DENND4A: variants seen among roughly 807,000 people sequenced by gnomAD.
DENND4A encodes C-myc promoter-binding protein.
Under a neutral mutation model 199.3 loss-of-function variants are expected in DENND4A, and 70 were observed. The ratio of observed to expected loss-of-function variants is 0.35; its 90% CI spans 0.29 to 0.43. DENND4A has a LOEUF of 0.43. Among genes scored for constraint, DENND4A ranks in the 20% least tolerant of loss-of-function variants. DENND4A has a pLI of 1.00. For synonymous variants in DENND4A, 686 were observed against 766.9 expected (o/e 0.89, Z 1.74); for missense variants, 1,723 against 2,255.8 (o/e 0.76, Z 4.78).
At chr15:65,742,772 G>A (rs2140490307) in intron 4 of DENND4A, among the ~76,000 whole-genome samples, 1 of 152,246 alleles carries the variant, frequency 6.6e-6, no homozygotes, top group East Asian at 1.9e-4. Flanking sequence ...ATCATTACAT[G>A]CTATATTTGT....
intron 14 of DENND4A, among the ~76,000 whole-genome samples, chr15:65,707,966 A>T (rs528491721): frequency 6.6e-6 from 1 of 152,240 alleles, no homozygotes; most frequent in South Asian, 2.1e-4. Flanking sequence ...GATTACAGGC[A>T]TGAGCCACAG....
intron 20 of DENND4A, among the ~76,000 whole-genome samples, chr15:65,698,008 T>C (rs2077209236): frequency 1.3e-5 from 2 of 152,074 alleles, no homozygotes; most frequent in Non-Finnish European, 2.9e-5. Flanking sequence ...TCCCAGCATT[T>C]TGGAAGGCTG....
At chr15:65,675,565 A>T (rs1231207801) in intron 24 of DENND4A, among the ~76,000 whole-genome samples, 2 of 146,114 alleles carry the variant, frequency 1.4e-5, no homozygotes, top group African/African-American at 5.0e-5. Context: ...TAAAAACATT[A>T]AAAAAAAAAA....
chr15:65,717,220 C>T (rs545560392), intron 13 of DENND4A, among the ~76,000 whole-genome samples: 24 of 152,034 alleles, frequency 1.6e-4, no homozygotes, highest in Admixed American at 1.2e-3. Flanking sequence ...CGGAGGTACT[C>T]AATATATACT....
intron 1 of DENND4A, among the ~76,000 whole-genome samples, 177 bp from the exon 2 acceptor site, chr15:65,761,615 GAATA>G (rs1182964603): frequency 5.4e-5 from 8 of 149,326 alleles, no homozygotes; most frequent in African/African-American, 2.0e-4. Flanking sequence ...TTTCAGTAAA[GAATA>G]AATACATACT....
At chr15:65,771,833 T>C in intron 1 of DENND4A, 1 of 1,613,112 alleles carries the variant, frequency 6.2e-7, no homozygotes. Flanking sequence ...TTTTCTGGAT[T>C]ACTTAAAACA....
At chr15:65,721,307 TG>T (rs1567044385) in intron 12 of DENND4A, among the ~76,000 whole-genome samples, 2 of 152,106 alleles carry the variant, frequency 1.3e-5, no homozygotes, top group African/African-American at 2.4e-5. Flanking sequence ...TGAGCTACTT[TG>T]GAATCATCTA....
intron 11 of DENND4A, among the ~76,000 whole-genome samples, chr15:65,723,839 T>C (rs919500731): frequency 6.6e-6 from 1 of 152,184 alleles, no homozygotes; most frequent in Non-Finnish European, 1.5e-5. Context: ...TTTCAGACTA[T>C]AGTTGGCCAC....
intron 20 of DENND4A, among the ~76,000 whole-genome samples, chr15:65,700,295 G>C (rs1567020420): frequency 6.6e-6 from 1 of 151,734 alleles, no homozygotes; most frequent in Admixed American, 6.6e-5. Context: ...GAGTTAACTG[G>C]ATTATCATAT....
chr15:65,717,739 T>C (rs1237180022), intron 13 of DENND4A, 39 bp downstream of exon 13: 1 of 1,494,412 alleles, frequency 6.7e-7, no homozygotes, highest in South Asian at 1.3e-5. Flanking sequence ...AAAGTTAAGC[T>C]CAATAACCTG....
rs61753848 is a variant in DENND4A, at chr15:65,696,371, C to T, written c.3077G>A (p.Ser1026Asn). The part of the protein sequence containing the change: ...NNSAGKISGE[S>N]MESTPELLLI... Reference sequence around the variant, plus strand: ...AAGCGTACTATTCAACTTACCCATGCTTTCTCCTGATATTTTACCAGCACT... The same window carrying T: ...AAGCGTACTATTCAACTTACCCATGTTTTCTCCTGATATTTTACCAGCACT... Residue 1026 changes from serine (S) to asparagine (N), a missense_variant, in exon 22 of 33, where the codon AGC becomes AAC. By Grantham distance (46) the Ser-to-Asn change is conservative. Around this residue, in one of 6 missense-constraint regions of DENND4A, gnomAD observed 650 missense variants for 738.1 expected, o/e 0.88. Coordinates refer to ENST00000443035, the MANE Select transcript of DENND4A (RefSeq NM_001320835.1). 3,578 of 1,611,690 alleles carry T rather than the reference C, an allele frequency of 2.2e-3. 7 individuals carry two copies. Among genetic ancestry groups the T allele is most frequent in the Non-Finnish European group, 2.8e-3 (3,273 of 1,178,420 alleles).
intron 2 of DENND4A, among the ~76,000 whole-genome samples, chr15:65,756,680 C>A (rs1644817045): frequency 6.6e-6 from 1 of 152,124 alleles, no homozygotes; most frequent in Admixed American, 6.5e-5. Flanking sequence ...TGGATGAATT[C>A]CCAATTTTGG....
At chr15:65,758,713 T>C (rs1376017604) in intron 2 of DENND4A, among the ~76,000 whole-genome samples, 1 of 152,220 alleles carries the variant, frequency 6.6e-6, no homozygotes, top group African/African-American at 2.4e-5. Flanking sequence ...TTCCCAGAGT[T>C]TGTTTCATGT....
intron 14 of DENND4A, among the ~76,000 whole-genome samples, chr15:65,711,331 G>A (rs1343254411): frequency 1.3e-5 from 2 of 151,986 alleles, no homozygotes; most frequent in African/African-American, 4.8e-5. Flanking sequence ...AGGAAACCCT[G>A]TCTCAACAAA....
intron 11 of DENND4A, 153 bp downstream of exon 11, chr15:65,728,919 A>G: frequency 1.3e-6 from 1 of 763,688 alleles, no homozygotes; most frequent in East Asian, 2.7e-5. Flanking sequence ...TTGACGCATA[A>G]TAAGGTCTGA....
chr15:65,661,608 A>G lies in DENND4A; in HGVS notation c.*243T>C, dbSNP rs950413149. 9.7e-6 allele frequency: 3 copies of G among 309,960 alleles called. No individual in the cohort carries two copies. Among genetic ancestry groups the G allele is most frequent in the Non-Finnish European group, 1.8e-5 (3 of 170,170 alleles). 19.2% of individuals were successfully genotyped at this position (309,960 alleles called of 1,614,324 possible). On this transcript the variant is annotated 3_prime_UTR_variant, in exon 33 of 33. Coordinates refer to ENST00000443035, the MANE Select transcript of DENND4A (RefSeq NM_001320835.1). ...TTAGGGATTTCCTCATCACAAAAAT[A>G]CTTTATTTCCTATTACAGGGGAGTT...
intron 14 of DENND4A, among the ~76,000 whole-genome samples, chr15:65,712,300 C>A (rs2075274495): frequency 6.6e-6 from 1 of 152,148 alleles, no homozygotes; most frequent in Non-Finnish European, 1.5e-5. Flanking sequence ...AAAAATTGAA[C>A]ATTTCTGTTA....
At chr15:65,769,533 A>G (rs1393032267) in intron 1 of DENND4A, among the ~76,000 whole-genome samples, 1 of 152,214 alleles carries the variant, frequency 6.6e-6, no homozygotes, top group African/African-American at 2.4e-5. Flanking sequence ...AAATAAGCTC[A>G]TGGCTTGGGT....
intron 12 of DENND4A, among the ~76,000 whole-genome samples, chr15:65,719,584 T>C (rs2075541090): frequency 6.6e-6 from 1 of 152,122 alleles, no homozygotes; most frequent in South Asian, 2.1e-4. Flanking sequence ...TTCTGTGATA[T>C]TCCTGTCAAA....
Sources: gnomAD v4.1 joint callset for allele counts (sites outside exome capture counted in the v4.1 genomes callset) on GRCh38, gnomAD v4.1.1 for gene constraint, gnomAD v4.1.1 regional missense constraint, MANE v1.5 for transcripts, NCBI Gene and HGNC (gene_info 2026-07-23, HGNC 2026-07-21) for gene names.